WARS2: variants seen among roughly 807,000 people sequenced by gnomAD.
WARS2 encodes tryptophan--tRNA ligase, mitochondrial.
A neutral mutation model predicts 36.5 loss-of-function variants in WARS2; 28 were observed. That is an observed-to-expected ratio of 0.77 (90% CI 0.57 to 1.05). WARS2 has a LOEUF of 1.05. Ranked by LOEUF, WARS2 falls within the 50% of genes least tolerant of loss-of-function variation. The probability of loss-of-function intolerance (pLI) is 0.00; values close to 1 mark genes in which losing one functional copy is unlikely to be tolerated. For synonymous variants in WARS2, 174 were observed against 178.4 expected (o/e 0.98, Z 0.20); for missense variants, 435 against 456.8 (o/e 0.95, Z 0.44).
intron 2 of WARS2, among the ~76,000 whole-genome samples, chr1:119,071,885 T>C (rs1367353566): frequency 6.6e-6 from 1 of 152,188 alleles, no homozygotes; most frequent in African/African-American, 2.4e-5. Flanking sequence ...CAAAGCATCA[T>C]GTTGTACACC....
intron 4 of WARS2, among the ~76,000 whole-genome samples, chr1:119,041,404 G>A (rs1304373774): frequency 6.6e-6 from 1 of 152,160 alleles, no homozygotes; most frequent in East Asian, 1.9e-4. Context: ...TACAGCGAGT[G>A]CAGGGATCAG....
intron 2 of WARS2, among the ~76,000 whole-genome samples, chr1:119,053,848 T>C (rs1048848290): frequency 2.0e-5 from 3 of 152,050 alleles, no homozygotes; most frequent in Non-Finnish European, 4.4e-5. Flanking sequence ...AATTCAAGAC[T>C]AGCCTAGGCA....
rs1212960044 is a variant in WARS2, at chr1:119,076,597, T to C, written c.101A>G (p.Lys34Arg). 1 of 1,614,172 alleles carries C rather than the reference T, an allele frequency of 6.2e-7. No homozygotes were observed. ...TTGAATGCCGGAAAATACTCGCTTC[T>C]TGCTGTCTTTCTGGAACAAAGGAAA... ...AAAPALQKDS[K>R]KRVFSGIQPT... Residue 34 changes from lysine (K) to arginine (R), a missense_variant, in exon 2 of 6, where the codon AAG becomes AGG. Lys to Arg is a conservative substitution (Grantham distance 26). Transcript: ENST00000235521.
chr1:119,065,800 GT>G (rs1255285099), intron 2 of WARS2, among the ~76,000 whole-genome samples: 3 of 152,198 alleles, frequency 2.0e-5, no homozygotes, highest in South Asian at 4.1e-4. Context: ...GATGGTATTG[GT>G]TATAAACATT....
At chr1:119,039,928 A>G (rs551397632) in intron 4 of WARS2, among the ~76,000 whole-genome samples, 1 of 152,330 alleles carries the variant, frequency 6.6e-6, no homozygotes, top group East Asian at 1.9e-4. Context: ...GTCTACATTT[A>G]TAATACAAAT....
At chr1:119,057,125 A>T (rs1482809569) in intron 2 of WARS2, among the ~76,000 whole-genome samples, 1 of 151,988 alleles carries the variant, frequency 6.6e-6, no homozygotes, top group Non-Finnish European at 1.5e-5. Flanking sequence ...TGAACTTTTC[A>T]TGTGCTTATT....
chr1:119,035,732 T>C (rs1032373697), intron 4 of WARS2, among the ~76,000 whole-genome samples: 1 of 152,122 alleles, frequency 6.6e-6, no homozygotes, highest in African/African-American at 2.4e-5. Flanking sequence ...CATAGAAAAC[T>C]TACTTGAAAC....
chr1:119,064,297 G>T (rs1286801123), intron 2 of WARS2: 1 of 152,298 alleles, frequency 6.6e-6, no homozygotes, highest in African/African-American at 2.4e-5. Flanking sequence ...CATTGTATCT[G>T]GGAAGTAACT....
chr1:119,099,647 T>C (rs1653717405), intron 1 of WARS2, among the ~76,000 whole-genome samples: 1 of 152,202 alleles, frequency 6.6e-6, no homozygotes, highest in African/African-American at 2.4e-5. Context: ...GCATCAGAAT[T>C]ATTTCAACTT....
At chr1:119,085,610 A>G (rs901099560) in intron 1 of WARS2, 458 of 1,487,044 alleles carry the variant, frequency 3.1e-4, no homozygotes, top group Non-Finnish European at 3.9e-4. Context: ...TAGGAACGCA[A>G]TAGTTAGACA....
chr1:119,119,088 T>G (rs1319799335), intron 1 of WARS2, among the ~76,000 whole-genome samples: 1 of 152,116 alleles, frequency 6.6e-6, no homozygotes, highest in Non-Finnish European at 1.5e-5. Context: ...ATACTAATGT[T>G]GAATGTAAAT....
chr1:119,125,918 C>T (rs1293015459), intron 1 of WARS2, among the ~76,000 whole-genome samples: 1 of 152,180 alleles, frequency 6.6e-6, no homozygotes, highest in Non-Finnish European at 1.5e-5. Flanking sequence ...TGGGCCTTGC[C>T]ATCACACAGA....
intron 1 of WARS2, chr1:119,085,514 C>T: frequency 6.9e-6 from 11 of 1,595,366 alleles, no homozygotes; most frequent in Non-Finnish European, 9.4e-6. Context: ...CTTCAGAGCT[C>T]TCAGACAAAC....
intron 1 of WARS2, among the ~76,000 whole-genome samples, chr1:119,120,910 C>T (rs1655287107): frequency 6.6e-6 from 1 of 151,990 alleles, no homozygotes; most frequent in South Asian, 2.1e-4. Flanking sequence ...TAATAAAAGC[C>T]ATCTATGACA....
intron 1 of WARS2, among the ~76,000 whole-genome samples, chr1:119,117,747 G>A (rs1655066702): frequency 1.3e-5 from 2 of 152,194 alleles, no homozygotes; most frequent in South Asian, 4.1e-4. Context: ...GAGAACTGAA[G>A]ATGGGTCACA....
chr1:119,091,648 G>C (rs1254315341), intron 1 of WARS2, among the ~76,000 whole-genome samples: 1 of 152,174 alleles, frequency 6.6e-6, no homozygotes, highest in Non-Finnish European at 1.5e-5. Context: ...TTGAGAAGTG[G>C]TGGCCCATAC....
rs1258743262 is a variant in WARS2, at chr1:119,076,400, G to C, written c.298C>G (p.Leu100Val). Reference protein sequence around the residue: ...QSILDMTAVLLACGINPEKSI... With the variant: ...QSILDMTAVLVACGINPEKSI... Reference sequence around the variant, plus strand: ...TTTTCCGGGTTTATGCCACAGGCAAGAAGAACAGCAGTCATGTCCAGGATG... The same window carrying C: ...TTTTCCGGGTTTATGCCACAGGCAACAAGAACAGCAGTCATGTCCAGGATG... The change falls in exon 2 of 6, where the codon CTT becomes GTT. Residue 100 changes from leucine (L) to valine (V), a missense_variant. Transcript: ENST00000235521. 8 of 1,614,034 alleles carry C rather than the reference G, an allele frequency of 5.0e-6. No homozygotes were observed. The highest frequency in any genetic ancestry group is 1.3e-5 in the African/African-American group (1 of 74,910).
chr1:119,041,295 C>T (rs1648334397), intron 4 of WARS2, among the ~76,000 whole-genome samples: 1 of 152,140 alleles, frequency 6.6e-6, no homozygotes, highest in Non-Finnish European at 1.5e-5. Flanking sequence ...AATTGGGAGG[C>T]TTTATCTCTA....
intron 2 of WARS2, among the ~76,000 whole-genome samples, chr1:119,057,478 A>C (rs1649923049): frequency 6.6e-6 from 1 of 151,848 alleles, no homozygotes. Context: ...ATGTCTACTC[A>C]AATAAAGTGG....
Sources: allele counts gnomAD v4.1 joint callset (sites outside exome capture counted in the v4.1 genomes callset), GRCh38; gene constraint gnomAD v4.1.1; transcripts MANE v1.5; gene names NCBI Gene and HGNC (gene_info 2026-07-23, HGNC 2026-07-21).